The following ACOT7 variants were observed in gnomAD, a reference collection of about 807,000 sequenced individuals.
The protein encoded by ACOT7 is acyl-CoA thioesterase 7.
ACOT7 carries 12 observed loss-of-function variants against 40.2 expected under a neutral mutation model. That is an observed-to-expected ratio of 0.30 (90% CI 0.19 to 0.48). ACOT7 has a LOEUF of 0.48. Among genes scored for constraint, ACOT7 ranks in the 20% least tolerant of loss-of-function variants. The pLI is 0.99. For missense variants in ACOT7, 395 were observed against 530.8 expected, an observed-to-expected ratio of 0.74 and a Z score of 2.51; for synonymous variants, 228 against 219.5, an observed-to-expected ratio of 1.04 and a Z score of -0.34.
chr1:6,315,403 TTCA>T (rs1341286172), intron 6 of ACOT7, among the ~76,000 whole-genome samples: 12 of 152,192 alleles, frequency 7.9e-5, no homozygotes, highest in African/African-American at 2.4e-4. Context: ...AGTTCGTGTT[TTCA>T]ATGTGGTGTT....
At chr1:6,327,180 G>C in intron 5 of ACOT7, 119 bp downstream of exon 5, 1 of 1,022,686 alleles carries the variant, frequency 9.8e-7, no homozygotes, top group Non-Finnish European at 1.5e-6. Flanking sequence ...GGTTCCCGGA[G>C]AGCATGCTCA....
Position 6,306,893 on chromosome 1 carries a change from A to C in ACOT7, c.712+11599T>G, listed in dbSNP as rs1271225705. 4 of 1,289,002 alleles carry C rather than the reference A, an allele frequency of 3.1e-6. No homozygotes were observed. The African/African-American group carries it at 4.6e-5, about 15-fold the overall frequency. 79.8% of individuals were successfully genotyped at this position (1,289,002 alleles called of 1,614,324 possible). ...GAAAGTCAACTCCTCCTGCAGGTGC[A>C]AAAGATTGTTTTTTCACAACTGCCC... On this transcript the variant is annotated intron_variant, in intron 6 of 8. Transcript: ENST00000361521. This position sits in a 1 kb window ranked among gnomAD's most constrained non-coding sequence, Gnocchi z 4.3.
At position 6,303,565 on chromosome 1, in the gene ACOT7, C is replaced by T. The variant is rs527653810; in HGVS notation, c.713-8585G>A. Among the ~76,000 whole-genome samples the T allele has an allele frequency of 1.4e-4, 21 of 152,324 alleles. No individual in the cohort carries two copies. The East Asian group carries it at 3.5e-3, about 25-fold the overall frequency. Reference sequence around the variant, plus strand: ...AGTTCACAGCTCGGAGCCCGTGTGCCGCTGTCTGTTCTGTGGGCGGCAATC... The same window carrying T: ...AGTTCACAGCTCGGAGCCCGTGTGCTGCTGTCTGTTCTGTGGGCGGCAATC... On this transcript the variant is annotated intron_variant, in intron 6 of 8. Coordinates refer to ENST00000361521, the MANE Select transcript of ACOT7 (RefSeq NM_007274.4).
intron 1 of ACOT7, among the ~76,000 whole-genome samples, chr1:6,363,416 TGACATCA>T (rs1641932527): frequency 1.3e-5 from 2 of 152,094 alleles, no homozygotes; most frequent in South Asian, 4.1e-4. Flanking sequence ...GTGGAGGGCC[TGACATCA>T]GTCAGGCCTG....
chr1:6,264,650 G>T lies in ACOT7; in HGVS notation c.1060C>A (p.Arg354=). The part of the protein sequence containing the change: ...EKKRFEEGKG[R]YLQMKAKRQG... ...CGCTTCGCCTTCATCTGCAGGTACC[G>T]CCCTTTGCCTTCCTCAAAGCGCTTC... The change falls in exon 9 of 9, where the codon CGG becomes AGG. Residue 354 remains arginine, a synonymous_variant. Coordinates refer to ENST00000361521, the MANE Select transcript of ACOT7 (RefSeq NM_007274.4). 6.2e-7 allele frequency: 1 copy of T among 1,613,426 alleles called. No homozygotes were observed.
intron 6 of ACOT7, among the ~76,000 whole-genome samples, chr1:6,302,155 A>C (rs1639991750): frequency 6.6e-6 from 1 of 152,124 alleles, no homozygotes; most frequent in South Asian, 2.1e-4. Flanking sequence ...ACGGTGTAGC[A>C]TCCTGACTCT....
chr1:6,300,660 T>G (rs1437725129), intron 6 of ACOT7, among the ~76,000 whole-genome samples: 1 of 132,756 alleles, frequency 7.5e-6, no homozygotes, highest in Admixed American at 7.7e-5. Flanking sequence ...ACACAGAATC[T>G]CACCGGACCC....
intron 8 of ACOT7, among the ~76,000 whole-genome samples, chr1:6,280,387 C>T (rs372691561): frequency 4.6e-5 from 7 of 152,238 alleles, no homozygotes; most frequent in African/African-American, 1.4e-4. Flanking sequence ...TTGGGCCGCG[C>T]GAACCCTGTC....
In ACOT7 at chr1:6,363,658, CT is replaced by C. The variant is rs1641938945; in HGVS notation, c.144-13793del. Among the ~76,000 whole-genome samples, 4 of 152,302 alleles carry C rather than the reference CT, an allele frequency of 2.6e-5. No homozygotes were observed. The South Asian group carries it at 8.3e-4, about 32-fold the overall frequency. ...TGGCTGCCAGGCAGGGAAGGGCCCC[CT>C]GTCCAGTGCACATGTGACCCACGTG... On this transcript the variant is annotated intron_variant, in intron 1 of 8. Coordinates refer to ENST00000361521, the MANE Select transcript of ACOT7 (RefSeq NM_007274.4).
At chr1:6,363,689 T>C (rs899749189) in intron 1 of ACOT7, among the ~76,000 whole-genome samples, 10 of 152,102 alleles carry the variant, frequency 6.6e-5, no homozygotes, top group Non-Finnish European at 1.3e-4. Context: ...CACGTGACCT[T>C]ACCTATCATT....
At chr1:6,356,911 T>C (rs1447849332) in intron 1 of ACOT7, among the ~76,000 whole-genome samples, 2 of 116,470 alleles carry the variant, frequency 1.7e-5, no homozygotes, top group East Asian at 2.5e-4. Flanking sequence ...AGGGTGAGAC[T>C]GTGTCTCAAA....
chr1:6,373,592 C>T (rs1179266235), intron 1 of ACOT7, among the ~76,000 whole-genome samples: 1 of 151,844 alleles, frequency 6.6e-6, no homozygotes, highest in South Asian at 2.1e-4. Flanking sequence ...TGGCTGGGAG[C>T]AGTGGCTCAC....
In ACOT7 at chr1:6,393,460, C is replaced by CG. The variant is rs76483502; in HGVS notation, c.-62_-61insC. 1,207,072 of 1,207,098 alleles carry CG rather than the reference C, an allele frequency of 1. 603,523 individuals are homozygous for CG. Among genetic ancestry groups the CG allele is most frequent in the Middle Eastern group, 1 (3,080 of 3,080 alleles). 74.8% of individuals were successfully genotyped at this position (1,207,098 alleles called of 1,614,324 possible). ...TGAGGCGGGGCCTGCGCGCCGGGGG[C>CG]AATCGAACGCGGCCTCCCCGCGCCG... is the stretch of plus-strand genomic sequence containing the variant. On this transcript the variant is annotated 5_prime_UTR_variant, in exon 1 of 9. Coordinates refer to ENST00000361521, the MANE Select transcript of ACOT7 (RefSeq NM_007274.4).
At chr1:6,327,835 G>A (rs565514648) in intron 4 of ACOT7, among the ~76,000 whole-genome samples, 28 of 152,190 alleles carry the variant, frequency 1.8e-4, no homozygotes, top group Non-Finnish European at 2.9e-4. Flanking sequence ...GTGCAGTGGC[G>A]TGATCTCAGC....
At chr1:6,389,627 C>A (rs1353058414) in intron 1 of ACOT7, among the ~76,000 whole-genome samples, 6 of 151,540 alleles carry the variant, frequency 4.0e-5, no homozygotes. Context: ...TAAAAAAATA[C>A]AAAAAAATTA....
At chr1:6,295,122 G>A (rs1639776823) in intron 6 of ACOT7, 142 bp from the exon 7 acceptor site, 3 of 599,730 alleles carry the variant, frequency 5.0e-6, no homozygotes, top group African/African-American at 1.9e-5. Context: ...CAGGGTGCTC[G>A]GCCGCACGTG....
intron 1 of ACOT7, among the ~76,000 whole-genome samples, chr1:6,385,266 C>A (rs185991591): frequency 6.6e-6 from 1 of 151,972 alleles, no homozygotes; most frequent in East Asian, 1.9e-4. Context: ...CCTCCTCCAA[C>A]AAAGCCCGGG....
At position 6,352,613 on chromosome 1, in the gene ACOT7, A is replaced by C. The variant is rs1324599308; in HGVS notation, c.144-2747T>G. Among the ~76,000 whole-genome samples the C allele has an allele frequency of 6.8e-6, 1 of 146,716 alleles. No homozygotes were observed. Among genetic ancestry groups the C allele is most frequent in the African/African-American group, 2.6e-5 (1 of 39,174 alleles). Reference sequence around the variant, plus strand: ...CCATTTCTTTTTTTTTTTTTTTGAGACGGCGTCTCGCTCTGTCTCCCAGGC... The same window carrying C: ...CCATTTCTTTTTTTTTTTTTTTGAGCCGGCGTCTCGCTCTGTCTCCCAGGC... On this transcript the variant is annotated intron_variant, in intron 1 of 8. Coordinates refer to ENST00000361521, the MANE Select transcript of ACOT7 (RefSeq NM_007274.4). This position sits in a 1 kb window ranked among gnomAD's most constrained non-coding sequence, Gnocchi z 4.5.
intron 1 of ACOT7, among the ~76,000 whole-genome samples, chr1:6,387,142 G>T (rs186265952): frequency 3.2e-4 from 48 of 152,156 alleles, no homozygotes; most frequent in Non-Finnish European, 5.4e-4. Context: ...GAGGCACAGC[G>T]AGTGAGTGAA....
Sources: allele counts gnomAD v4.1 joint callset (sites outside exome capture counted in the v4.1 genomes callset), GRCh38; gene constraint gnomAD v4.1.1; non-coding constraint Gnocchi (gnomAD v3.1); transcripts MANE v1.5; gene names NCBI Gene and HGNC (gene_info 2026-07-23, HGNC 2026-07-21).